The following ZZZ3 variants were observed in gnomAD, a reference collection of about 807,000 sequenced individuals.
ZZZ3 encodes the protein ZZ-type zinc finger-containing protein 3.
ZZZ3 carries 22 observed loss-of-function variants against 95.2 expected under a neutral mutation model. That is an observed-to-expected ratio of 0.23 (90% CI 0.17 to 0.33). The LOEUF is 0.33. Ranked by LOEUF, ZZZ3 falls within the 10% of genes least tolerant of loss-of-function variation. The probability of loss-of-function intolerance (pLI) is 1.00; values close to 1 mark genes in which losing one functional copy is unlikely to be tolerated. For missense variants in ZZZ3, 885 were observed against 1,066.5 expected, an observed-to-expected ratio of 0.83 and a Z score of 2.37; for synonymous variants, 335 against 358.9, an observed-to-expected ratio of 0.93 and a Z score of 0.75.
At chr1:77,605,008 C>T (rs1180326247) in intron 5 of ZZZ3, among the ~76,000 whole-genome samples, 1 of 152,072 alleles carries the variant, frequency 6.6e-6, no homozygotes, top group Non-Finnish European at 1.5e-5. Context: ...CACCGATGGT[C>T]CCCCCAAAAA....
At chr1:77,658,836 C>G (rs545146054) in intron 1 of ZZZ3, among the ~76,000 whole-genome samples, 1 of 152,270 alleles carries the variant, frequency 6.6e-6, no homozygotes. Flanking sequence ...TTAAAACAGA[C>G]TTATTGGGTC....
intron 5 of ZZZ3, among the ~76,000 whole-genome samples, chr1:77,586,460 C>T (rs1455318219): frequency 6.6e-6 from 1 of 152,164 alleles, no homozygotes. Context: ...AAAGGTGCTA[C>T]AGTCAATTAC....
At chr1:77,655,419 C>G (rs1670181585) in intron 1 of ZZZ3, among the ~76,000 whole-genome samples, 1 of 152,172 alleles carries the variant, frequency 6.6e-6, no homozygotes, top group Admixed American at 6.5e-5. Flanking sequence ...TGGGTTTAGT[C>G]AAGTTTAAGC....
chr1:77,633,018 A>G lies in ZZZ3; in HGVS notation c.337T>C (p.Ser113Pro). Residue 113 changes from serine to proline, a missense_variant, in exon 5 of 15, where the codon TCA becomes CCA. This residue lies in a region of ZZZ3 where 556 missense variants were observed against 652.9 expected (regional missense o/e 0.85). Transcript: ENST00000370801. ...CGCTTAATTCTTTTTAAAACTGGTG[A>G]AACAGGTTCTGTTTGCCTTCTCTCA... is the stretch of plus-strand genomic sequence containing the variant. ...NCERRQTEPV[S>P]PVLKRIKRCL... is the part of the protein sequence containing the mutation. 1 of 1,613,986 alleles carries G rather than the reference A, an allele frequency of 6.2e-7. No homozygotes were observed. The highest frequency in any genetic ancestry group is 8.5e-7 in the Non-Finnish European group (1 of 1,180,012).
intron 5 of ZZZ3, among the ~76,000 whole-genome samples, chr1:77,623,389 A>G (rs982597918): frequency 2.6e-5 from 4 of 152,194 alleles, no homozygotes; most frequent in African/African-American, 4.8e-5. Flanking sequence ...ATGAGACTCC[A>G]CAAACCAAGC....
chr1:77,637,271 G>C (rs902426265), intron 4 of ZZZ3, among the ~76,000 whole-genome samples: 5 of 152,086 alleles, frequency 3.3e-5, no homozygotes, highest in African/African-American at 1.2e-4. Flanking sequence ...GACCAAGGAA[G>C]CACCAAATGG....
In ZZZ3 at chr1:77,576,070, A is replaced by G. The variant is rs1228887523; in HGVS notation, c.2329T>C (p.Ser777Pro). 6.2e-7 allele frequency: 1 copy of G among 1,603,912 alleles called. No homozygotes were observed. The highest frequency in any genetic ancestry group is 1.8e-5 in the Admixed American group (1 of 56,986). Residue 777 changes from serine (S) to proline (P), a missense_variant and splice_region_variant, in exon 12 of 15, where the codon TCA (serine) becomes CCA (proline). This residue lies in a region of ZZZ3 where 221 missense variants were observed against 247.8 expected (regional missense o/e 0.89). Coordinates refer to ENST00000370801, the MANE Select transcript of ZZZ3 (RefSeq NM_015534.6). Reference protein sequence around the residue: ...SHMNTAVEDASDDESIPIMYR... With the variant: ...SHMNTAVEDAPDDESIPIMYR... ...ACAACTTGATGTGTATAACTTACTGATGCATCTTCAACAGCAGTGTTCATG... is the reference window on the plus strand; with the variant it reads ...ACAACTTGATGTGTATAACTTACTGGTGCATCTTCAACAGCAGTGTTCATG...
At chr1:77,667,527 A>G (rs1671346240) in intron 1 of ZZZ3, among the ~76,000 whole-genome samples, 1 of 152,018 alleles carries the variant, frequency 6.6e-6, no homozygotes, top group Admixed American at 6.6e-5. Context: ...GTCCTTAAGC[A>G]TTTTTACAAG....
At chr1:77,644,250 G>C (rs1293447911) in intron 1 of ZZZ3, among the ~76,000 whole-genome samples, 1 of 151,798 alleles carries the variant, frequency 6.6e-6, no homozygotes. Flanking sequence ...ACTTTTAGTA[G>C]AGATGGGGTT....
intron 1 of ZZZ3, among the ~76,000 whole-genome samples, chr1:77,657,189 C>T (rs1670346081): frequency 6.6e-6 from 1 of 152,106 alleles, no homozygotes; most frequent in Non-Finnish European, 1.5e-5. Context: ...ACTGTGTTGG[C>T]CAGACTGGTT....
At chr1:77,661,904 A>G (rs1162257203) in intron 1 of ZZZ3, among the ~76,000 whole-genome samples, 1 of 151,230 alleles carries the variant, frequency 6.6e-6, no homozygotes. Flanking sequence ...GCAACCTTGA[A>G]CTCTTGGGCT....
chr1:77,583,493 A>T (rs889655626), intron 6 of ZZZ3, among the ~76,000 whole-genome samples: 2 of 152,198 alleles, frequency 1.3e-5, no homozygotes, highest in African/African-American at 4.8e-5. Flanking sequence ...ACAAATCAAC[A>T]TATAGGCTCT....
intron 5 of ZZZ3, chr1:77,614,736 A>G (rs1666146543): frequency 6.6e-6 from 1 of 152,220 alleles, no homozygotes; most frequent in African/African-American, 2.4e-5. Context: ...CTTGTTCTAA[A>G]GGTTCCAAAT....
At chr1:77,604,466 T>A (rs534155736) in intron 5 of ZZZ3, among the ~76,000 whole-genome samples, 38 of 152,360 alleles carry the variant, frequency 2.5e-4, no homozygotes, top group Admixed American at 9.2e-4. Flanking sequence ...ACAATTTTTT[T>A]AAAGTATTTG....
At chr1:77,614,608 A>G (rs1666128480) in intron 5 of ZZZ3, among the ~76,000 whole-genome samples, 1 of 152,176 alleles carries the variant, frequency 6.6e-6, no homozygotes, top group African/African-American at 2.4e-5. Context: ...AAAAGAAATA[A>G]AGTTCCAATA....
At chr1:77,675,093 T>C (rs964959938) in intron 1 of ZZZ3, among the ~76,000 whole-genome samples, 18 of 151,928 alleles carry the variant, frequency 1.2e-4, no homozygotes, top group Non-Finnish European at 2.2e-4. Context: ...CAATAATCTA[T>C]GGAAATAAAA....
At chr1:77,601,774 A>C (rs1257915159) in intron 5 of ZZZ3, among the ~76,000 whole-genome samples, 1 of 152,194 alleles carries the variant, frequency 6.6e-6, no homozygotes, top group South Asian at 2.1e-4. Flanking sequence ...TAGGAGTCCT[A>C]TAAGTATTAC....
intron 5 of ZZZ3, among the ~76,000 whole-genome samples, chr1:77,619,749 T>C (rs1666665249): frequency 6.6e-6 from 1 of 152,164 alleles, no homozygotes; most frequent in Admixed American, 6.5e-5. Flanking sequence ...AACATGAGAC[T>C]CCTCTTATAT....
chr1:77,639,366 A>G (rs370802087), intron 4 of ZZZ3, 83 bp downstream of exon 4: 1 of 1,175,136 alleles, frequency 8.5e-7, no homozygotes, highest in East Asian at 2.9e-5. Context: ...TGGAAAAATA[A>G]CAAGTCTCCC....
Sources: gnomAD v4.1 joint callset for allele counts (sites outside exome capture counted in the v4.1 genomes callset) on GRCh38, gnomAD v4.1.1 for gene constraint, gnomAD v4.1.1 regional missense constraint, MANE v1.5 for transcripts, NCBI Gene and HGNC (gene_info 2026-07-23, HGNC 2026-07-21) for gene names.